The following DDB2 variants were observed in gnomAD, a reference collection of about 807,000 sequenced individuals.
The protein encoded by DDB2 is damage specific DNA binding protein 2.
Under a neutral mutation model 50.5 loss-of-function variants are expected in DDB2, and 27 were observed. That is an observed-to-expected ratio of 0.53 (90% CI 0.39 to 0.74). The LOEUF (loss-of-function observed/expected upper bound fraction) is 0.74. Among genes scored for constraint, DDB2 ranks in the 30% least tolerant of loss-of-function variants. The probability of loss-of-function intolerance (pLI) is 0.00; values close to 1 mark genes in which losing one functional copy is unlikely to be tolerated. For synonymous variants in DDB2, 176 were observed against 205.5 expected, an observed-to-expected ratio of 0.86 and a Z score of 1.23; for missense variants, 424 against 545.6, an observed-to-expected ratio of 0.78 and a Z score of 2.22.
intron 3 of DDB2, among the ~76,000 whole-genome samples, chr11:47,230,927 C>T (rs1290605457): frequency 1.3e-5 from 2 of 151,964 alleles, no homozygotes; most frequent in East Asian, 3.9e-4. Context: ...TCGAGACCAG[C>T]CTGACCAACA....
chr11:47,225,032 C>G (rs1340271464), intron 3 of DDB2, among the ~76,000 whole-genome samples: 1 of 151,946 alleles, frequency 6.6e-6, no homozygotes, highest in African/African-American at 2.4e-5. Context: ...CTCCACCTCC[C>G]AGGTTCAAGC....
intron 3 of DDB2, among the ~76,000 whole-genome samples, chr11:47,229,218 A>T (rs977527236): frequency 2.5e-4 from 38 of 152,184 alleles, no homozygotes; most frequent in African/African-American, 8.2e-4. Flanking sequence ...CTGGGCCCAA[A>T]CAAGATCAGA....
intron 1 of DDB2, chr11:47,215,583 C>T: frequency 2.5e-6 from 1 of 395,208 alleles, no homozygotes. Context: ...TGCTGGATTT[C>T]ATAGTCACGC....
At chr11:47,229,871 C>A in intron 3 of DDB2, 1 of 391,258 alleles carries the variant, frequency 2.6e-6, no homozygotes, top group South Asian at 1.9e-5. Flanking sequence ...TGCTCTGCCA[C>A]CCAGGCTGGA....
intron 8 of DDB2, 57 bp downstream of exon 8, chr11:47,238,058 T>C: frequency 6.2e-7 from 1 of 1,613,470 alleles, no homozygotes; most frequent in Non-Finnish European, 8.5e-7. Flanking sequence ...ACCTACCTTA[T>C]TGACCAAAAG....
At chr11:47,216,581 G>A (rs994876446) in intron 2 of DDB2, 109 bp downstream of exon 2, 39 of 1,497,040 alleles carry the variant, frequency 2.6e-5, no homozygotes, top group Non-Finnish European at 2.9e-5. Flanking sequence ...AGAGTGGTCC[G>A]ATCACCCAGA....
intron 4 of DDB2, among the ~76,000 whole-genome samples, chr11:47,234,262 T>TG (rs4647748): frequency 4.9e-4 from 74 of 152,060 alleles, no homozygotes; most frequent in African/African-American, 1.7e-3. Context: ...ACCCGGGGTG[T>TG]GGGGGGCAGG....
intron 3 of DDB2, among the ~76,000 whole-genome samples, chr11:47,221,036 G>A (rs1328855115): frequency 3.3e-5 from 5 of 151,766 alleles, no homozygotes; most frequent in Non-Finnish European, 7.4e-5. Context: ...AGTGGTGCAC[G>A]TCTGTAGTTC....
chr11:47,227,483 G>A (rs1044225412), intron 3 of DDB2, among the ~76,000 whole-genome samples: 2 of 150,980 alleles, frequency 1.3e-5, no homozygotes, highest in African/African-American at 2.4e-5. Flanking sequence ...TCACTTTGTC[G>A]ATTGTTTCTT....
chr11:47,214,864 G>A (rs544887330), upstream of DDB2: 316 of 502,448 alleles, frequency 6.3e-4, 1 homozygote, highest in Non-Finnish European at 9.8e-4. Context: ...CGCAGTTCCC[G>A]CCCCTCCCGG....
chr11:47,216,249 G>C (rs769864556), intron 1 of DDB2, 87 bp from the exon 2 acceptor site: 8 of 1,599,924 alleles, frequency 5.0e-6, no homozygotes, highest in Non-Finnish European at 6.8e-6. Context: ...TAACCGTGCC[G>C]AATGAAACAA....
chr11:47,217,232 T>A, intron 3 of DDB2, 183 bp downstream of exon 3: 1 of 521,668 alleles, frequency 1.9e-6, no homozygotes. Context: ...AAAAATTAGC[T>A]GGGTGTGGTG....
chr11:47,222,699 A>AT (rs1484200843), intron 3 of DDB2, among the ~76,000 whole-genome samples: 3 of 152,180 alleles, frequency 2.0e-5, no homozygotes, highest in South Asian at 2.1e-4. Context: ...GGACATTTGA[A>AT]TTTTTTTCTA....
intron 7 of DDB2, 106 bp from the exon 8 acceptor site, chr11:47,237,731 A>C: frequency 3.3e-6 from 4 of 1,228,826 alleles, no homozygotes; most frequent in Non-Finnish European, 4.8e-6. Flanking sequence ...CACTGCACTC[A>C]GCCCAAAGAA....
chr11:47,216,814 A>G (rs760403412), intron 2 of DDB2, 44 bp from the exon 3 acceptor site: 1 of 1,597,420 alleles, frequency 6.3e-7, no homozygotes, highest in Non-Finnish European at 8.6e-7. Flanking sequence ...GTTTACCCAG[A>G]ACTTGGGTTT....
At position 47,234,511 on chromosome 11, in the gene DDB2, A is replaced by G. The variant is rs1591000798; in HGVS notation, c.603-62A>G. 13 of 1,384,318 alleles carry G rather than the reference A, an allele frequency of 9.4e-6. No homozygotes were observed. In the East Asian group the frequency reaches 3.0e-4, roughly 32 times the overall value. The allele number at this position is 1,384,318 out of a possible 1,614,324, so 85.8% of individuals were successfully genotyped here. A position where few individuals can be genotyped will look rare whatever the true frequency, so the allele number is the denominator to read the frequency against. ...CTGTGGGTTAGTCACCGGAGCGGCA[A>G]CAGTGAGTAAATAGGACTATCTCTG... On this transcript the variant is annotated intron_variant, in intron 4 of 9. Coordinates refer to ENST00000256996, the MANE Select transcript of DDB2 (RefSeq NM_000107.3).
At position 47,234,654 on chromosome 11, in the gene DDB2, GA is replaced by G; in HGVS notation, c.686del (p.Asn229ThrfsTer17). 6.2e-7 allele frequency: 1 copy of G among 1,614,138 alleles called. No homozygotes were observed. ...ACAACGTGGGGAACGTGATCCTGCT[GA>G]ACATGGACGGCAAAGAGGTGCGTTC... ...GDNVGNVILL[N>X]MDGKELWNLR... is the part of the protein sequence containing the mutation. On this transcript the variant is annotated frameshift_variant, in exon 5 of 10. Coordinates refer to ENST00000256996, the MANE Select transcript of DDB2 (RefSeq NM_000107.3). LOFTEE classifies it high-confidence loss of function.
At chr11:47,234,246 C>T (rs527575291) in intron 4 of DDB2, among the ~76,000 whole-genome samples, 8 of 152,030 alleles carry the variant, frequency 5.3e-5, no homozygotes, top group South Asian at 2.1e-4. Flanking sequence ...AGGAGGCTTG[C>T]TCAGAACCCG....
rs1953794707 is a variant in DDB2, at chr11:47,238,985, T to C, written c.*136T>C. Reference sequence around the variant, plus strand: ...GGGTTGGAGCAGGGGTGCTGGGACCTGGGGCACTGTGGGACTGGGACACTT... The same window carrying C: ...GGGTTGGAGCAGGGGTGCTGGGACCCGGGGCACTGTGGGACTGGGACACTT... On this transcript the variant is annotated 3_prime_UTR_variant, in exon 10 of 10. Coordinates refer to ENST00000256996, the MANE Select transcript of DDB2 (RefSeq NM_000107.3). 7.3e-6 allele frequency: 6 copies of C among 823,946 alleles called. No homozygotes were observed. The highest frequency in any genetic ancestry group is 1.7e-5 in the African/African-American group (1 of 59,256). 51.0% of individuals were successfully genotyped at this position (823,946 alleles called of 1,614,324 possible). A position where few individuals can be genotyped will look rare whatever the true frequency, so the allele number is the denominator to read the frequency against.
Sources: gnomAD v4.1 joint callset for allele counts (sites outside exome capture counted in the v4.1 genomes callset) on GRCh38, gnomAD v4.1.1 for gene constraint, MANE v1.5 for transcripts, NCBI Gene and HGNC (gene_info 2026-07-23, HGNC 2026-07-21) for gene names.